Variants in ADARB2 observed in about 807,000 individuals in gnomAD.
ADARB2 encodes adenosine deaminase RNA specific B2 (inactive).
ADARB2 carries 25 observed loss-of-function variants against 62.2 expected under a neutral mutation model. The ratio of observed to expected loss-of-function variants is 0.40; its 90% CI spans 0.29 to 0.56. The LOEUF (loss-of-function observed/expected upper bound fraction) is 0.56, where lower values mean the gene tolerates loss of function less well. ADARB2 is among the 20% of genes least tolerant of loss of function. ADARB2 has a pLI of 0.43. For missense variants in ADARB2, 1,071 were observed against 1,077.4 expected, an observed-to-expected ratio of 0.99 and a Z score of 0.08; for synonymous variants, 572 against 500.8, an observed-to-expected ratio of 1.14 and a Z score of -1.90.
At chr10:1,641,079 T>TA (rs1683217260) in intron 1 of ADARB2, among the ~76,000 whole-genome samples, 1 of 152,366 alleles carries the variant, frequency 6.6e-6, no homozygotes, top group Admixed American at 6.5e-5. Context: ...TAGCTAAATC[T>TA]AAAAAACATT....
intron 1 of ADARB2, chr10:1,676,150 T>C (rs995421978): frequency 1.6e-6 from 1 of 643,738 alleles, no homozygotes; most frequent in Non-Finnish European, 1.9e-6. Context: ...AAATGTGCAA[T>C]ATGAAATTAA....
At position 1,703,372 on chromosome 10, in the gene ADARB2, C is replaced by T. The variant is rs566319740; in HGVS notation, c.100+33679G>A. ...GACCTGGAGGAGTGGAGCTCCACCC[C>T]GAGGCACAGCAGGTGCAAAGGCTTG... On this transcript the variant is annotated intron_variant, in intron 1 of 9. Coordinates refer to ENST00000381312, the MANE Select transcript of ADARB2 (RefSeq NM_018702.4). Among the ~76,000 whole-genome samples, 14 of 152,134 alleles carry T rather than the reference C, an allele frequency of 9.2e-5. 1 individual carries two copies. In the South Asian group the frequency reaches 1.2e-3, roughly 14 times the overall value.
At chr10:1,679,935 G>A (rs1431869858) in intron 1 of ADARB2, among the ~76,000 whole-genome samples, 1 of 152,098 alleles carries the variant, frequency 6.6e-6, no homozygotes, top group Non-Finnish European at 1.5e-5. Flanking sequence ...AATGTTCAAA[G>A]GCAGGAAGCT....
chr10:1,377,662 C>A (rs550863692), intron 2 of ADARB2, among the ~76,000 whole-genome samples: 18 of 152,148 alleles, frequency 1.2e-4, no homozygotes, highest in African/African-American at 3.9e-4. Flanking sequence ...CAGAAGCAAC[C>A]TGTGTCAAAG....
At position 1,233,762 on chromosome 10, in the gene ADARB2, TG is replaced by T; in HGVS notation, c.1444del (p.His482IlefsTer4). 1 of 1,613,914 alleles carries T rather than the reference TG, an allele frequency of 6.2e-7. No individual in the cohort carries two copies. Among genetic ancestry groups the T allele is most frequent in the Non-Finnish European group, 8.5e-7 (1 of 1,179,968 alleles). On this transcript the variant is annotated frameshift_variant, in exon 6 of 10. Coordinates refer to ENST00000381312, the MANE Select transcript of ADARB2 (RefSeq NM_018702.4). LOFTEE classifies it high-confidence loss of function. ...GYRLRENILFHLYVSTSPCGD... is the reference protein window; with the variant it reads ...GYRLRENILFXLYVSTSPCGD... ...ACAGGGGGAGGTGCTCACGTAGAGATGGAAGAGGATGTTCTCTCGCAGCCGG... is the reference window on the plus strand; with the variant it reads ...ACAGGGGGAGGTGCTCACGTAGAGATGAAGAGGATGTTCTCTCGCAGCCGG...
chr10:1,233,382 C>A (rs1830828140), intron 6 of ADARB2, among the ~76,000 whole-genome samples: 1 of 152,206 alleles, frequency 6.6e-6, no homozygotes, highest in African/African-American at 2.4e-5. Context: ...GCGTAACTCT[C>A]ACTGGCCTTC....
intron 1 of ADARB2, among the ~76,000 whole-genome samples, chr10:1,653,342 C>A (rs1834134028): frequency 6.6e-6 from 1 of 152,152 alleles, no homozygotes; most frequent in Non-Finnish European, 1.5e-5. Context: ...CAGAAAGAAC[C>A]TCCCTTGCTG....
intron 1 of ADARB2, among the ~76,000 whole-genome samples, chr10:1,428,125 C>G (rs1830723797): frequency 6.6e-6 from 1 of 151,702 alleles, no homozygotes; most frequent in Admixed American, 6.6e-5. Context: ...CATGCACCAC[C>G]ACACCCGACT....
At chr10:1,355,632 T>C (rs1339772945) in intron 3 of ADARB2, among the ~76,000 whole-genome samples, 4 of 152,232 alleles carry the variant, frequency 2.6e-5, no homozygotes, top group African/African-American at 9.7e-5. Flanking sequence ...CCTGCTTAAC[T>C]AATGGACAGT....
intron 1 of ADARB2, among the ~76,000 whole-genome samples, chr10:1,470,084 G>GCCTGACCCTCTCCTAGGGGCATCTGA (rs1831301574): frequency 6.7e-6 from 1 of 149,192 alleles, no homozygotes; most frequent in Non-Finnish European, 1.5e-5. Context: ...AGGTCATCCA[G>GCCTGACCCTCTCCTAGGGGCATCTGA]CCTGACCCTC....
At chr10:1,384,229 C>A (rs1832507575) in intron 1 of ADARB2, among the ~76,000 whole-genome samples, 1 of 152,220 alleles carries the variant, frequency 6.6e-6, no homozygotes, top group Admixed American at 6.5e-5. Flanking sequence ...AGAAGGAGAG[C>A]CAGTTCTCTA....
At chr10:1,249,200 G>C (rs1831013907) in intron 4 of ADARB2, among the ~76,000 whole-genome samples, 1 of 152,214 alleles carries the variant, frequency 6.6e-6, no homozygotes, top group African/African-American at 2.4e-5. Context: ...CCAGCACTTT[G>C]GGAGGCTGAG....
At chr10:1,261,469 C>A (rs1281308027) in intron 4 of ADARB2, among the ~76,000 whole-genome samples, 3 of 149,888 alleles carry the variant, frequency 2.0e-5, no homozygotes, top group Admixed American at 6.6e-5. Context: ...AAAAAACAAC[C>A]CCATAAAAAA....
intron 6 of ADARB2, among the ~76,000 whole-genome samples, chr10:1,219,395 A>G (rs1259305207): frequency 6.6e-6 from 1 of 152,212 alleles, no homozygotes; most frequent in Admixed American, 6.5e-5. Flanking sequence ...ACATTCTTTC[A>G]CTATACATTC....
intron 1 of ADARB2, among the ~76,000 whole-genome samples, chr10:1,670,415 G>GGA (rs1834369850): frequency 1.3e-5 from 2 of 152,220 alleles, no homozygotes; most frequent in Admixed American, 1.3e-4. Context: ...ACATTCAGAT[G>GGA]ATTCATCAGC....
intron 1 of ADARB2, among the ~76,000 whole-genome samples, chr10:1,606,335 G>A (rs10903509): frequency 0.075 from 11,132 of 148,378 alleles, 629 homozygotes; most frequent in East Asian, 0.28. Context: ...GGAGCATCCT[G>A]GCTGTGCCTG....
In ADARB2 at chr10:1,490,965, G is replaced by A. The variant is rs567642038; in HGVS notation, c.101-111805C>T. ...AGAGGACCTTGAAGTCCACATCATG[G>A]CAGGTGCTTCATATCTCTTAGGAAC... On this transcript the variant is annotated intron_variant, in intron 1 of 9. Transcript: ENST00000381312. 3.2e-4 allele frequency among the ~76,000 whole-genome samples: 49 copies of A among 152,330 alleles called. 1 individual carries two copies. The South Asian group carries it at 8.7e-3, about 27-fold the overall frequency.
In ADARB2 at chr10:1,529,199, C is replaced by A. The variant is rs12775117; in HGVS notation, c.101-150039G>T. On this transcript the variant is annotated intron_variant, in intron 1 of 9. Transcript: ENST00000381312. ...TCAGTCCACGCACCATGCCCAACAC[C>A]AATCCTCCAATCAGTCCACGCACCA... Among the ~76,000 whole-genome samples, 48 of 96,150 alleles carry A rather than the reference C, an allele frequency of 5.0e-4. 1 individual carries two copies. The highest frequency in any genetic ancestry group is 3.8e-3 in the East Asian group (6 of 1,590). The allele number at this position is 96,150 out of a possible 152,430, so 63.1% of individuals were successfully genotyped here.
At chr10:1,223,666 A>G (rs1830716637) in intron 6 of ADARB2, among the ~76,000 whole-genome samples, 1 of 152,184 alleles carries the variant, frequency 6.6e-6, no homozygotes, top group Non-Finnish European at 1.5e-5. Context: ...CCTTTTCTGC[A>G]TCTATTGAGA....
Sources: allele counts gnomAD v4.1 joint callset (sites outside exome capture counted in the v4.1 genomes callset), GRCh38; gene constraint gnomAD v4.1.1; transcripts MANE v1.5; gene names NCBI Gene and HGNC (gene_info 2026-07-23, HGNC 2026-07-21).